RORA: variants seen among roughly 807,000 people sequenced by gnomAD.
RORA encodes the protein RAR related orphan receptor A.
Under a neutral mutation model 69.5 loss-of-function variants are expected in RORA, and 7 were observed. The ratio of observed to expected loss-of-function variants is 0.10; its 90% CI spans 0.06 to 0.19. RORA has a LOEUF of 0.19. Ranked by LOEUF, RORA falls within the 10% of genes least tolerant of loss-of-function variation. The probability of loss-of-function intolerance (pLI) is 1.00; values close to 1 mark genes in which losing one functional copy is unlikely to be tolerated. For synonymous variants in RORA, 261 were observed against 240.8 expected (o/e 1.08, Z -0.78); for missense variants, 457 against 663.0 (o/e 0.69, Z 3.41).
intron 2 of RORA, among the ~76,000 whole-genome samples, chr15:60,666,288 C>A (rs141991191): frequency 1.3e-5 from 2 of 151,008 alleles, no homozygotes; most frequent in African/African-American, 4.9e-5. Context: ...CCAGCTCAGT[C>A]TCCCAAGTAG....
intron 2 of RORA, among the ~76,000 whole-genome samples, chr15:60,621,224 A>G (rs541806050): frequency 4.0e-3 from 608 of 151,430 alleles, no homozygotes; most frequent in African/African-American, 0.014. Context: ...ATTTTTTAAG[A>G]AAATACCTCT....
intron 1 of RORA, among the ~76,000 whole-genome samples, chr15:60,890,874 C>A (rs1225657165): frequency 6.6e-6 from 1 of 152,150 alleles, no homozygotes; most frequent in Non-Finnish European, 1.5e-5. Flanking sequence ...GAAACCAGAG[C>A]AGAAGATATT....
intron 1 of RORA, among the ~76,000 whole-genome samples, chr15:61,204,559 G>C (rs923495044): frequency 6.6e-6 from 1 of 152,218 alleles, no homozygotes; most frequent in Non-Finnish European, 1.5e-5. Flanking sequence ...GGGGACACCT[G>C]AGGCCAGGTT....
intron 1 of RORA, among the ~76,000 whole-genome samples, chr15:61,150,002 C>T (rs1567012193): frequency 6.6e-6 from 1 of 152,312 alleles, no homozygotes; most frequent in Non-Finnish European, 1.5e-5. Flanking sequence ...GAACCAAACA[C>T]AGAGCTTTCC....
At chr15:61,129,644 G>A (rs1277981559) in intron 1 of RORA, among the ~76,000 whole-genome samples, 1 of 152,228 alleles carries the variant, frequency 6.6e-6, no homozygotes, top group African/African-American at 2.4e-5. Context: ...AAATGGTAGA[G>A]TTTAAAGCTT....
chr15:60,659,462 C>G (rs2070270852), intron 2 of RORA, among the ~76,000 whole-genome samples: 1 of 152,148 alleles, frequency 6.6e-6, no homozygotes, highest in African/African-American at 2.4e-5. Flanking sequence ...AAATTTAAAA[C>G]AAGAGCAGGT....
At chr15:60,571,916 GA>G (rs2067894282) in intron 2 of RORA, among the ~76,000 whole-genome samples, 1 of 152,112 alleles carries the variant, frequency 6.6e-6, no homozygotes, top group African/African-American at 2.4e-5. Flanking sequence ...AATAATCCAT[GA>G]AAAAGTACAA....
chr15:60,574,884 G>A (rs1200937690), intron 2 of RORA, among the ~76,000 whole-genome samples: 1 of 152,114 alleles, frequency 6.6e-6, no homozygotes, highest in African/African-American at 2.4e-5. Flanking sequence ...TTATGCCTAT[G>A]CCAACTTTCT....
At chr15:60,693,231 CT>C (rs1312237789) in intron 1 of RORA, among the ~76,000 whole-genome samples, 1 of 152,154 alleles carries the variant, frequency 6.6e-6, no homozygotes, top group Non-Finnish European at 1.5e-5. Flanking sequence ...CAGAAAAGGC[CT>C]TCAATAAAAG....
chr15:60,688,751 C>CCATGAGT (rs2070781870), intron 1 of RORA, among the ~76,000 whole-genome samples: 1 of 152,180 alleles, frequency 6.6e-6, no homozygotes, highest in South Asian at 2.1e-4. Context: ...ATGTATTTTA[C>CCATGAGT]ACAGTGCTCG....
chr15:61,066,418 C>CTTTTTTTTT lies in RORA; in HGVS notation c.166+162626_166+162634dup, dbSNP rs1168663714. Among the ~76,000 whole-genome samples, 44 of 80,962 alleles carry CTTTTTTTTT rather than the reference C, an allele frequency of 5.4e-4. 2 individuals carry two copies. Among genetic ancestry groups the CTTTTTTTTT allele is most frequent in the African/African-American group, 1.9e-3 (38 of 20,406 alleles). 53.1% of individuals were successfully genotyped at this position (80,962 alleles called of 152,430 possible). A position where few individuals can be genotyped will look rare whatever the true frequency, so the allele number is the denominator to read the frequency against. On this transcript the variant is annotated intron_variant, in intron 1 of 10. Coordinates refer to ENST00000335670, the MANE Select transcript of RORA (RefSeq NM_134261.3). ...AATTGTGGGAAGACAGGGCATATTCCTTTTTTTTTTTTTTTTTTTTTTTTT... is the reference window on the plus strand; with the variant it reads ...AATTGTGGGAAGACAGGGCATATTCCTTTTTTTTTTTTTTTTTTTTTTTTTTTTTTTTTT...
At chr15:61,046,850 C>T (rs1223586314) in intron 1 of RORA, among the ~76,000 whole-genome samples, 1 of 152,196 alleles carries the variant, frequency 6.6e-6, no homozygotes, top group Non-Finnish European at 1.5e-5. Flanking sequence ...TTCGAGGCTG[C>T]TCTGATGAAA....
At chr15:60,643,189 A>C (rs1287127342) in intron 2 of RORA, among the ~76,000 whole-genome samples, 2 of 152,202 alleles carry the variant, frequency 1.3e-5, no homozygotes, top group Non-Finnish European at 2.9e-5. Flanking sequence ...ATACATGCAC[A>C]CATTAAGTTA....
At chr15:60,869,937 A>AATAAGAT (rs1216107675) in intron 1 of RORA, among the ~76,000 whole-genome samples, 1 of 152,188 alleles carries the variant, frequency 6.6e-6, no homozygotes, top group Non-Finnish European at 1.5e-5. Flanking sequence ...CAGAATTCAT[A>AATAAGAT]ATAAGATCAA....
At chr15:60,573,493 G>T (rs1595996142) in intron 2 of RORA, among the ~76,000 whole-genome samples, 1 of 152,140 alleles carries the variant, frequency 6.6e-6, no homozygotes, top group South Asian at 2.1e-4. Flanking sequence ...ATTGTTTCTC[G>T]TGTTTCTTCA....
At chr15:60,991,471 A>G (rs1052711417) in intron 1 of RORA, among the ~76,000 whole-genome samples, 1 of 152,206 alleles carries the variant, frequency 6.6e-6, no homozygotes, top group African/African-American at 2.4e-5. Flanking sequence ...GGCAATACAT[A>G]TCAAAAGTCC....
At chr15:61,161,131 G>T (rs1365797982) in intron 1 of RORA, among the ~76,000 whole-genome samples, 1 of 152,158 alleles carries the variant, frequency 6.6e-6, no homozygotes, top group African/African-American at 2.4e-5. Flanking sequence ...GAGTTGCTCT[G>T]ACTGAAGCAA....
intron 1 of RORA, among the ~76,000 whole-genome samples, chr15:60,709,457 A>C (rs1490054984): frequency 6.6e-6 from 1 of 152,024 alleles, no homozygotes; most frequent in Non-Finnish European, 1.5e-5. Context: ...GGGGTCCTTA[A>C]CCCCTGGTAC....
At chr15:61,208,626 A>G (rs190627881) in intron 1 of RORA, among the ~76,000 whole-genome samples, 148 of 152,342 alleles carry the variant, frequency 9.7e-4, no homozygotes, top group African/African-American at 3.4e-3. Flanking sequence ...TCCTTTAAAA[A>G]TCACAGGATT....
Sources: allele counts gnomAD v4.1 joint callset (sites outside exome capture counted in the v4.1 genomes callset), GRCh38; gene constraint gnomAD v4.1.1; transcripts MANE v1.5; gene names NCBI Gene and HGNC (gene_info 2026-07-23, HGNC 2026-07-21).